Variants in FRMPD1 observed in about 807,000 individuals in gnomAD.
The protein encoded by FRMPD1 is FERM and PDZ domain-containing protein 1.
FRMPD1 carries 76 observed loss-of-function variants against 117.8 expected under a neutral mutation model. That is an observed-to-expected ratio of 0.65 (90% CI 0.54 to 0.78). The LOEUF (loss-of-function observed/expected upper bound fraction) is 0.78, where lower values mean the gene tolerates loss of function less well. FRMPD1 is among the 30% of genes least tolerant of loss of function. The pLI, the probability that FRMPD1 is intolerant of heterozygous loss-of-function variation, is 0.00. For missense variants in FRMPD1, 1,786 were observed against 1,964.5 expected (o/e 0.91, Z 1.72); for synonymous variants, 783 against 770.4 (o/e 1.02, Z -0.27).
At chr9:37,627,995 C>A in the FRMPD1 span, among the ~76,000 whole-genome samples, 8 of 152,202 alleles carry the variant, frequency 5.3e-5, no homozygotes, top group African/African-American at 1.2e-4. Flanking sequence ...GGAATAGGAC[C>A]GTGACTTATA....
At chr9:37,729,481 T>C (rs1823767230) in intron 7 of FRMPD1, among the ~76,000 whole-genome samples, 1 of 148,922 alleles carries the variant, frequency 6.7e-6, no homozygotes, top group African/African-American at 2.5e-5. Flanking sequence ...CTCCACTGGA[T>C]GGCTTCAGCC....
intron 2 of FRMPD1, among the ~76,000 whole-genome samples, chr9:37,704,271 T>C (rs1285526315): frequency 6.6e-6 from 1 of 152,204 alleles, no homozygotes; most frequent in Non-Finnish European, 1.5e-5. Context: ...AGACCCTGGA[T>C]TTTGAAGACT....
At chr9:37,731,637 C>T (rs948716803) in intron 9 of FRMPD1, among the ~76,000 whole-genome samples, 4 of 152,074 alleles carry the variant, frequency 2.6e-5, no homozygotes, top group East Asian at 3.9e-4. Context: ...TTTAGGAGGC[C>T]GAGGCAGGTG....
intron 1 of FRMPD1, among the ~76,000 whole-genome samples, chr9:37,666,539 C>G (rs1333071710): frequency 6.6e-6 from 1 of 152,102 alleles, no homozygotes; most frequent in Non-Finnish European, 1.5e-5. Flanking sequence ...GCCCCCGTTG[C>G]CTTTCTCCCT....
Position 37,744,512 on chromosome 9 carries a change from G to T in FRMPD1, c.2480G>T (p.Gly827Val). ...GGAAGACAGCCAAGCAGGAGGGGAG[G>T]GGTGAAGAAATATGCCAAGACCCTG... Reference protein sequence around the residue: ...PDGRQPSRRGGVKKYAKTLRK... With the variant: ...PDGRQPSRRGVVKKYAKTLRK... The change falls in exon 16 of 16, where the codon GGG becomes GTG. Residue 827 changes from glycine to valine, a missense_variant. Coordinates refer to ENST00000377765, the MANE Select transcript of FRMPD1 (RefSeq NM_014907.3). 1.9e-6 allele frequency: 3 copies of T among 1,614,054 alleles called. No homozygotes were observed. Among genetic ancestry groups the T allele is most frequent in the Non-Finnish European group, 2.5e-6 (3 of 1,180,000 alleles).
In FRMPD1 at chr9:37,716,693, C is replaced by G. The variant is rs940784686; in HGVS notation, c.409-2376C>G. Among the ~76,000 whole-genome samples the G allele has an allele frequency of 7.2e-5, 11 of 152,258 alleles. No individual in the cohort carries two copies. In the East Asian group the frequency reaches 2.1e-3, roughly 29 times the overall value. ...AGTCTTTGGGGGGTTGGTGGTTGTA[C>G]CTGTTGCTTTGACCACTCACTTTAT... On this transcript the variant is annotated intron_variant, in intron 5 of 15. Transcript: ENST00000377765.
intron 1 of FRMPD1, among the ~76,000 whole-genome samples, chr9:37,658,471 C>A (rs756822250): frequency 5.3e-5 from 8 of 152,152 alleles, no homozygotes; most frequent in Admixed American, 1.3e-4. Flanking sequence ...TAACAAATCA[C>A]CTCAATCTTG....
intron 2 of FRMPD1, among the ~76,000 whole-genome samples, chr9:37,695,530 T>A (rs551921602): frequency 2.0e-5 from 3 of 152,334 alleles, no homozygotes; most frequent in African/African-American, 7.2e-5. Flanking sequence ...GTTTCTAGGA[T>A]AAATCATTTG....
At chr9:37,620,242 C>G in the FRMPD1 span, among the ~76,000 whole-genome samples, 1 of 152,150 alleles carries the variant, frequency 6.6e-6, no homozygotes. Context: ...TTATCTGCCT[C>G]CAGGTCACAG....
At chr9:37,698,433 G>A (rs372965680) in intron 2 of FRMPD1, among the ~76,000 whole-genome samples, 17 of 151,884 alleles carry the variant, frequency 1.1e-4, no homozygotes, top group African/African-American at 4.1e-4. Flanking sequence ...GCGTCTGTGA[G>A]TGGGAGATTG....
chr9:37,605,851 A>G, the FRMPD1 span, among the ~76,000 whole-genome samples: 8 of 152,034 alleles, frequency 5.3e-5, no homozygotes, highest in African/African-American at 1.9e-4. Context: ...AGTAGCTGGG[A>G]CTACAGGTTC....
chr9:37,685,541 A>G (rs2117970622), intron 1 of FRMPD1, among the ~76,000 whole-genome samples: 1 of 151,772 alleles, frequency 6.6e-6, no homozygotes, highest in Middle Eastern at 3.4e-3. Flanking sequence ...AGTCCCAGCT[A>G]CTCGGGAGGC....
At chr9:37,610,578 T>C in the FRMPD1 span, among the ~76,000 whole-genome samples, 1 of 150,812 alleles carries the variant, frequency 6.6e-6, no homozygotes, top group Admixed American at 6.7e-5. Flanking sequence ...TATCAGTACA[T>C]GAATAACTAT....
At chr9:37,726,047 G>A (rs1010645372) in intron 7 of FRMPD1, among the ~76,000 whole-genome samples, 6 of 152,132 alleles carry the variant, frequency 3.9e-5, no homozygotes, top group African/African-American at 1.4e-4. Context: ...CACATTACAG[G>A]GGAATTAAAC....
the FRMPD1 span, among the ~76,000 whole-genome samples, chr9:37,606,217 T>C: frequency 6.6e-6 from 1 of 152,144 alleles, no homozygotes; most frequent in Non-Finnish European, 1.5e-5. Context: ...GAAAGAAACC[T>C]GCTCTTGTAT....
In FRMPD1 at chr9:37,746,251, G is replaced by A; in HGVS notation, c.4219G>A (p.Ala1407Thr). 4 of 1,612,842 alleles carry A rather than the reference G, an allele frequency of 2.5e-6. No homozygotes were observed. The highest frequency in any genetic ancestry group is 3.4e-6 in the Non-Finnish European group (4 of 1,179,882). Residue 1407 changes from alanine (A) to threonine (T), a missense_variant, in exon 16 of 16, where the codon GCA becomes ACA. Coordinates refer to ENST00000377765, the MANE Select transcript of FRMPD1 (RefSeq NM_014907.3). The stretch of plus-strand genomic sequence containing the variant: ...CATCTGGCCAGAGTACTGCTCCAGG[G>A]CACTGAGACAGCTGAAAGCCACCCC... The part of the protein sequence containing the change: ...SHIWPEYCSR[A>T]LRQLKATPAS...
intron 6 of FRMPD1, 66 bp from the exon 7 acceptor site, chr9:37,724,155 CAGAG>C (rs1215749998): frequency 1.3e-6 from 1 of 783,146 alleles, no homozygotes; most frequent in Non-Finnish European, 2.2e-6. Context: ...GCCTGGGTGA[CAGAG>C]AGAGACCCTG....
intron 1 of FRMPD1, among the ~76,000 whole-genome samples, chr9:37,661,392 G>A (rs1004681063): frequency 6.6e-6 from 1 of 152,136 alleles, no homozygotes; most frequent in Non-Finnish European, 1.5e-5. Flanking sequence ...GATACAGGGA[G>A]GATATAATGA....
chr9:37,677,945 C>A (rs1433250026), intron 1 of FRMPD1, among the ~76,000 whole-genome samples: 1 of 152,328 alleles, frequency 6.6e-6, no homozygotes, highest in African/African-American at 2.4e-5. Flanking sequence ...TCAGTGTCCC[C>A]CACAGCCCCT....
Sources: gnomAD v4.1 joint callset for allele counts (sites outside exome capture counted in the v4.1 genomes callset) on GRCh38, gnomAD v4.1.1 for gene constraint, MANE v1.5 for transcripts, NCBI Gene and HGNC (gene_info 2026-07-23, HGNC 2026-07-21) for gene names.